Variants in ASIC2 observed in about 807,000 individuals in gnomAD.
ASIC2 encodes the protein acid sensing ion channel subunit 2, also known as acid-sensing ion channel 2.
In ASIC2, 25 loss-of-function variants were observed where a neutral mutation model predicts 57.3. The observed-to-expected ratio is 0.44, with a 90% CI of 0.32 to 0.61. The LOEUF is 0.61. ASIC2 is among the 20% of genes least tolerant of loss of function. ASIC2 has a pLI of 0.06. For synonymous variants in ASIC2, 319 were observed against 307.5 expected (o/e 1.04, Z -0.39); for missense variants, 641 against 738.1 (o/e 0.87, Z 1.52).
At chr17:33,566,824 C>G (rs1916249025) in intron 1 of ASIC2, among the ~76,000 whole-genome samples, 1 of 152,138 alleles carries the variant, frequency 6.6e-6, no homozygotes, top group South Asian at 2.1e-4. Flanking sequence ...TCTTTCCTGA[C>G]TGTGTCCCCT....
At chr17:34,058,755 C>G (rs1380825622) in intron 1 of ASIC2, among the ~76,000 whole-genome samples, 1 of 152,178 alleles carries the variant, frequency 6.6e-6, no homozygotes, top group Non-Finnish European at 1.5e-5. Context: ...GGGAGGAGAG[C>G]AGAGCTAGCT....
chr17:34,036,680 G>GTTTTTTTTT (rs71147413), intron 1 of ASIC2: 8 of 100,528 alleles, frequency 8.0e-5, no homozygotes, highest in Non-Finnish European at 1.2e-4. Context: ...CTTTGAATTT[G>GTTTTTTTTT]TTTTTTTTTT....
chr17:33,885,720 C>T (rs889161408), intron 1 of ASIC2, among the ~76,000 whole-genome samples: 1 of 152,184 alleles, frequency 6.6e-6, no homozygotes. Context: ...AAAGTCAGCT[C>T]ACTTTTCAAG....
intron 1 of ASIC2, among the ~76,000 whole-genome samples, chr17:33,716,053 A>G (rs1909209732): frequency 6.6e-6 from 1 of 151,938 alleles, no homozygotes; most frequent in African/African-American, 2.4e-5. Flanking sequence ...ATGCTACCCA[A>G]TCTCCCTTCT....
At chr17:33,350,494 A>G (rs1908119850) in intron 1 of ASIC2, among the ~76,000 whole-genome samples, 1 of 152,134 alleles carries the variant, frequency 6.6e-6, no homozygotes, top group Non-Finnish European at 1.5e-5. Flanking sequence ...AGCCTGGCCA[A>G]CAGGACGAAA....
At chr17:33,943,182 A>G (rs1453601914) in intron 1 of ASIC2, among the ~76,000 whole-genome samples, 1 of 152,228 alleles carries the variant, frequency 6.6e-6, no homozygotes, top group Non-Finnish European at 1.5e-5. Flanking sequence ...TTTATTATCC[A>G]GTACAGTAAA....
At chr17:33,761,217 C>G (rs1910767625) in intron 1 of ASIC2, among the ~76,000 whole-genome samples, 1 of 152,200 alleles carries the variant, frequency 6.6e-6, no homozygotes, top group Non-Finnish European at 1.5e-5. Context: ...ATACACTATT[C>G]TCAGATGTCA....
chr17:34,010,010 C>T (rs537604534), intron 1 of ASIC2, among the ~76,000 whole-genome samples: 95 of 152,148 alleles, frequency 6.2e-4, no homozygotes, highest in Non-Finnish European at 1.2e-3. Context: ...ATGAAATTCC[C>T]GCTGTAACAG....
chr17:33,688,482 G>A (rs1362767895), intron 1 of ASIC2, among the ~76,000 whole-genome samples: 3 of 152,190 alleles, frequency 2.0e-5, no homozygotes, highest in African/African-American at 7.2e-5. Context: ...AATGGAGCAG[G>A]AGGGAACAGG....
At chr17:33,618,806 TA>T (rs1266079280) in intron 1 of ASIC2, among the ~76,000 whole-genome samples, 1 of 152,226 alleles carries the variant, frequency 6.6e-6, no homozygotes, top group Non-Finnish European at 1.5e-5. Context: ...AATATTTTAT[TA>T]ATAAGCCTCA....
chr17:33,480,105 T>C (rs1913355358), intron 1 of ASIC2, among the ~76,000 whole-genome samples: 1 of 152,188 alleles, frequency 6.6e-6, no homozygotes, highest in African/African-American at 2.4e-5. Flanking sequence ...TTGAGGCATA[T>C]GCCATCTTCC....
In ASIC2 at chr17:33,164,840, C is replaced by T. The variant is rs541578333; in HGVS notation, c.709-52773G>A. On this transcript the variant is annotated intron_variant, in intron 1 of 9. Coordinates refer to ENST00000225823, the MANE Select transcript of ASIC2 (RefSeq NM_183377.2). ...CTAAATTTCCCTAGTATCCCATTATCATTAGGAGCTGGTCACTTGGCCATA... is the reference window on the plus strand; with the variant it reads ...CTAAATTTCCCTAGTATCCCATTATTATTAGGAGCTGGTCACTTGGCCATA... 2.0e-5 allele frequency among the ~76,000 whole-genome samples: 3 copies of T among 152,292 alleles called. No individual in the cohort carries two copies. The South Asian group carries it at 6.2e-4, about 32-fold the overall frequency.
intron 1 of ASIC2, among the ~76,000 whole-genome samples, chr17:33,182,355 T>C (rs1567776058): frequency 1.3e-5 from 2 of 152,164 alleles, no homozygotes; most frequent in Non-Finnish European, 2.9e-5. Flanking sequence ...AGGGTTCTTA[T>C]AAAGAACCAG....
chr17:33,546,114 T>C (rs1017572899), intron 1 of ASIC2, among the ~76,000 whole-genome samples: 2 of 150,792 alleles, frequency 1.3e-5, no homozygotes, highest in South Asian at 2.1e-4. Context: ...TATATGTGCA[T>C]ATATATATGT....
intron 1 of ASIC2, among the ~76,000 whole-genome samples, chr17:33,150,582 G>A (rs1052613607): frequency 1.3e-5 from 2 of 152,182 alleles, no homozygotes; most frequent in Non-Finnish European, 2.9e-5. Context: ...GGGTGTGGGG[G>A]TTCATGCCTG....
At chr17:33,995,276 G>A (rs1313730086) in intron 1 of ASIC2, among the ~76,000 whole-genome samples, 1 of 152,124 alleles carries the variant, frequency 6.6e-6, no homozygotes, top group Admixed American at 6.6e-5. Flanking sequence ...TGGGCAAGTG[G>A]GTGAATTAGG....
At chr17:33,800,641 G>A (rs1455851483) in intron 1 of ASIC2, among the ~76,000 whole-genome samples, 2 of 152,116 alleles carry the variant, frequency 1.3e-5, no homozygotes, top group African/African-American at 4.8e-5. Flanking sequence ...GAATTTCTAG[G>A]GGGATGATCC....
intron 1 of ASIC2, among the ~76,000 whole-genome samples, chr17:33,709,725 A>G (rs916640319): frequency 1.3e-5 from 2 of 152,250 alleles, no homozygotes; most frequent in Non-Finnish European, 2.9e-5. Flanking sequence ...AATTTGCAGT[A>G]GCTTTTGCAT....
chr17:33,959,081 T>C (rs1478877942), intron 1 of ASIC2, among the ~76,000 whole-genome samples: 1 of 152,210 alleles, frequency 6.6e-6, no homozygotes, highest in Non-Finnish European at 1.5e-5. Context: ...GCCTGGACTT[T>C]ATTGTCCATA....
Sources: gnomAD v4.1 joint callset for allele counts (sites outside exome capture counted in the v4.1 genomes callset) on GRCh38, gnomAD v4.1.1 for gene constraint, MANE v1.5 for transcripts, NCBI Gene and HGNC (gene_info 2026-07-23, HGNC 2026-07-21) for gene names.